The following FOCAD variants were observed in gnomAD, a reference collection of about 807,000 sequenced individuals.
The protein encoded by FOCAD is focadhesin, also known as KIAA1797.
A neutral mutation model predicts 225.6 loss-of-function variants in FOCAD; 198 were observed. The observed-to-expected ratio is 0.88, with a 90% CI of 0.78 to 0.99. FOCAD has a LOEUF of 0.99. Among genes scored for constraint, FOCAD ranks in the 50% least tolerant of loss-of-function variants. The probability of loss-of-function intolerance (pLI) is 0.00; values close to 1 mark genes in which losing one functional copy is unlikely to be tolerated. For missense variants in FOCAD, 2,713 were observed against 2,123.6 expected (o/e 1.28, Z -5.46); for synonymous variants, 897 against 755.0 (o/e 1.19, Z -3.08).
In FOCAD at chr9:20,858,566, T is replaced by C. The variant is rs114453491; in HGVS notation, c.1921-4012T>C. 2.4e-3 allele frequency among the ~76,000 whole-genome samples: 367 copies of C among 152,276 alleles called. 3 individuals are homozygous for C. Among genetic ancestry groups the C allele is most frequent in the Middle Eastern group, 0.01 (3 of 294 alleles). On this transcript the variant is annotated intron_variant, in intron 15 of 43. Transcript: ENST00000338382. The stretch of plus-strand genomic sequence containing the variant: ...TCAAGAAACCAACTTTTCATTTCAT[T>C]AATCTTTTTGTTGCTTTTCAGTGTT...
chr9:20,696,910 G>A (rs1482003857), intron 1 of FOCAD, among the ~76,000 whole-genome samples: 1 of 152,118 alleles, frequency 6.6e-6, no homozygotes, highest in Non-Finnish European at 1.5e-5. Flanking sequence ...GGGTGAGATT[G>A]GTGCCAATGT....
intron 1 of FOCAD, among the ~76,000 whole-genome samples, chr9:20,707,790 A>G (rs951992511): frequency 4.6e-5 from 7 of 152,186 alleles, no homozygotes; most frequent in Admixed American, 3.9e-4. Context: ...TGTGGTTAAA[A>G]GGGTTCCAAT....
rs146596525 is a variant in FOCAD at position 20,869,036 on chromosome 9, C to T, written c.2190+2024C>T. On this transcript the variant is annotated intron_variant, in intron 18 of 43. Coordinates refer to ENST00000338382, the MANE Select transcript of FOCAD (RefSeq NM_001375567.1). The stretch of plus-strand genomic sequence containing the variant: ...CAAGTTCCCAAACATACAGCCTGGT[C>T]GGTGCTTCACCTTAGTTTTGTAGAT... Among the ~76,000 whole-genome samples, 1,247 of 152,232 alleles carry T rather than the reference C, an allele frequency of 8.2e-3. 49 individuals carry two copies. The highest frequency in any genetic ancestry group is 0.075 in the Admixed American group (1,153 of 15,272).
chr9:20,990,811 A>G (rs1023766489), intron 42 of FOCAD, among the ~76,000 whole-genome samples: 1 of 152,146 alleles, frequency 6.6e-6, no homozygotes, highest in Admixed American at 6.5e-5. Flanking sequence ...TGGGTCAGGA[A>G]GTTTTCTGCC....
intron 1 of FOCAD, among the ~76,000 whole-genome samples, chr9:20,699,468 G>A (rs1011889223): frequency 1.3e-5 from 2 of 151,654 alleles, no homozygotes; most frequent in African/African-American, 4.9e-5. Context: ...GCACCTGGGC[G>A]CAGTAGCTCA....
At chr9:20,724,206 A>G (rs1368390140) in intron 4 of FOCAD, among the ~76,000 whole-genome samples, 1 of 152,248 alleles carries the variant, frequency 6.6e-6, no homozygotes, top group East Asian at 1.9e-4. Flanking sequence ...CTCATTCTAT[A>G]AAATATATAA....
chr9:20,901,226 G>A (rs1832536322), intron 21 of FOCAD, among the ~76,000 whole-genome samples: 2 of 150,300 alleles, frequency 1.3e-5, no homozygotes, highest in South Asian at 4.2e-4. Flanking sequence ...GTGTGTGTGT[G>A]TGTGTGTCTC....
At chr9:20,918,609 A>G (rs1564150302) in intron 24 of FOCAD, among the ~76,000 whole-genome samples, 2 of 151,840 alleles carry the variant, frequency 1.3e-5, no homozygotes, top group Non-Finnish European at 2.9e-5. Context: ...CTGTAGTCCC[A>G]GCTACTTGGG....
rs536812144 is a variant in FOCAD at position 20,764,961 on chromosome 9, T to C, written c.587T>C (p.Leu196Pro). Residue 196 changes from leucine to proline, a missense_variant, in exon 7 of 44, where the codon CTA becomes CCA. Leu to Pro is a moderately conservative substitution (Grantham distance 98). Coordinates refer to ENST00000338382, the MANE Select transcript of FOCAD (RefSeq NM_001375567.1). ...SQLQEYAKLR[L>P]ALLKVLLQPQ... ...TTACAAGAATATGCTAAACTCCGAC[T>C]AGCCCTGCTGAAAGTCTTACTTCAA... 1 of 1,614,136 alleles carries C rather than the reference T, an allele frequency of 6.2e-7. No homozygotes were observed. The highest frequency in any genetic ancestry group is 1.3e-5 in the African/African-American group (1 of 75,066).
Position 20,907,119 on chromosome 9 carries a change from C to A in FOCAD, c.2626-31C>A. ...TTTATTCTTTTTTAATACTGTGTAG[C>A]CTAATATGTTGTGGTACATTTTTCC... On this transcript the variant is annotated intron_variant, in intron 21 of 43. Transcript: ENST00000338382. 3.4e-6 allele frequency: 5 copies of A among 1,489,410 alleles called. No homozygotes were observed. In the South Asian group the frequency reaches 3.4e-5, roughly 10 times the overall value. The allele number at this position is 1,489,410 out of a possible 1,614,324, so 92.3% of individuals were successfully genotyped here. A position where few individuals can be genotyped will look rare whatever the true frequency, so the allele number is the denominator to read the frequency against.
chr9:20,872,421 G>C (rs1222053662), intron 18 of FOCAD, among the ~76,000 whole-genome samples: 1 of 152,012 alleles, frequency 6.6e-6, no homozygotes. Flanking sequence ...GAAGCATTTG[G>C]TCATTTGACA....
In FOCAD at chr9:20,720,379, G is replaced by T; in HGVS notation, c.133-1G>T. The T allele has an allele frequency of 6.2e-7, 1 of 1,613,806 alleles. No individual in the cohort carries two copies. On this transcript the variant is annotated splice_acceptor_variant, in intron 3 of 43. Coordinates refer to ENST00000338382, the MANE Select transcript of FOCAD (RefSeq NM_001375567.1). LOFTEE classifies it high-confidence loss of function. ...TCTTCTAATCACTGGTTTGGTTTCA[G>T]ACTCCTGCTTTGAACTTGCTGTGGG...
Position 20,815,133 on chromosome 9 carries a change from TTTTG to T in FOCAD, c.1456-4659_1456-4656del, listed in dbSNP as rs1399570359. On this transcript the variant is annotated intron_variant, in intron 11 of 43. Coordinates refer to ENST00000338382, the MANE Select transcript of FOCAD (RefSeq NM_001375567.1). ...TCATTACTTCTCTTTGTTTTTTTTTTTTTGTTTTTTTTTTTTTTTTTGAGACAGT... is the reference window on the plus strand; with the variant it reads ...TCATTACTTCTCTTTGTTTTTTTTTTTTTTTTTTTTTTTTTTTGAGACAGT... 3.7e-3 allele frequency among the ~76,000 whole-genome samples: 321 copies of T among 86,048 alleles called. 37 individuals carry two copies. Among genetic ancestry groups the T allele is most frequent in the Middle Eastern group, 6.8e-3 (1 of 148 alleles). The allele number at this position is 86,048 out of a possible 152,430, so 56.5% of individuals were successfully genotyped here. A position where few individuals can be genotyped will look rare whatever the true frequency, so the allele number is the denominator to read the frequency against.
intron 9 of FOCAD, among the ~76,000 whole-genome samples, chr9:20,780,531 A>G (rs572927129): frequency 6.6e-6 from 1 of 152,338 alleles, no homozygotes; most frequent in Admixed American, 6.5e-5. Flanking sequence ...CCAATATATC[A>G]TGTTGGAAAG....
At chr9:20,968,803 G>A (rs1413317106) in intron 35 of FOCAD, among the ~76,000 whole-genome samples, 11 of 151,892 alleles carry the variant, frequency 7.2e-5, no homozygotes, top group Admixed American at 2.6e-4. Flanking sequence ...CTCTACCTTT[G>A]GGTATATTTG....
intron 1 of FOCAD, among the ~76,000 whole-genome samples, chr9:20,687,833 T>C (rs1384789625): frequency 6.6e-6 from 1 of 152,208 alleles, no homozygotes; most frequent in Non-Finnish European, 1.5e-5. Context: ...ATAAACATTA[T>C]AATTAGTCGT....
intron 5 of FOCAD, among the ~76,000 whole-genome samples, chr9:20,750,749 G>T (rs774244062): frequency 6.6e-6 from 1 of 152,042 alleles, no homozygotes; most frequent in Non-Finnish European, 1.5e-5. Context: ...AAAAATATAG[G>T]GTGATTTATC....
At chr9:20,733,127 C>T (rs539553384) in intron 4 of FOCAD, among the ~76,000 whole-genome samples, 17 of 152,134 alleles carry the variant, frequency 1.1e-4, no homozygotes, top group African/African-American at 2.9e-4. Context: ...TTAACTCTTC[C>T]GGGTACCTGT....
At chr9:20,810,944 C>A (rs1822998282) in intron 11 of FOCAD, among the ~76,000 whole-genome samples, 1 of 151,990 alleles carries the variant, frequency 6.6e-6, no homozygotes. Flanking sequence ...ACCTCAGATT[C>A]TGATGATGTT....
Sources: gnomAD v4.1 joint callset for allele counts (sites outside exome capture counted in the v4.1 genomes callset) on GRCh38, gnomAD v4.1.1 for gene constraint, MANE v1.5 for transcripts, NCBI Gene and HGNC (gene_info 2026-07-23, HGNC 2026-07-21) for gene names.